TRIM14: variants seen among roughly 807,000 people sequenced by gnomAD.
TRIM14 encodes the protein tripartite motif-containing protein 14.
A neutral mutation model predicts 44.5 loss-of-function variants in TRIM14; 28 were observed. The observed-to-expected ratio is 0.63, with a 90% CI of 0.47 to 0.86. TRIM14 has a LOEUF of 0.86. Among genes scored for constraint, TRIM14 ranks in the 40% least tolerant of loss-of-function variants. The probability of loss-of-function intolerance (pLI) is 0.00; values close to 1 mark genes in which losing one functional copy is unlikely to be tolerated. For missense variants in TRIM14, 607 were observed against 611.1 expected, an observed-to-expected ratio of 0.99 and a Z score of 0.07; for synonymous variants, 299 against 269.2, an observed-to-expected ratio of 1.11 and a Z score of -1.08.
chr9:98,067,981 C>T (rs1829199214), downstream of TRIM14, among the ~76,000 whole-genome samples: 1 of 152,234 alleles, frequency 6.6e-6, no homozygotes, highest in African/African-American at 2.4e-5. Flanking sequence ...CTTGGCCTCC[C>T]AAAGTGCTGG....
chr9:98,078,033 C>A (rs1829668406), intron 6 of TRIM14: 2 of 1,054,770 alleles, frequency 1.9e-6, no homozygotes, highest in South Asian at 1.8e-5. Flanking sequence ...GGGCAGGAAC[C>A]CAACAAGCTC....
intron 6 of TRIM14, among the ~76,000 whole-genome samples, chr9:98,079,216 C>CT (rs1298007691): frequency 6.6e-6 from 1 of 152,196 alleles, no homozygotes; most frequent in African/African-American, 2.4e-5. Context: ...CCCCCTAGGC[C>CT]TTTGTCTCTT....
the TRIM14 span, among the ~76,000 whole-genome samples, chr9:98,048,428 ATCT>A: frequency 1.3e-5 from 2 of 152,162 alleles, no homozygotes; most frequent in African/African-American, 2.4e-5. Flanking sequence ...CAGCTACTGG[ATCT>A]TCTTCCATCT....
At chr9:98,099,500 G>A (rs1826311547) in intron 3 of TRIM14, among the ~76,000 whole-genome samples, 1 of 151,240 alleles carries the variant, frequency 6.6e-6, no homozygotes, top group Non-Finnish European at 1.5e-5. Flanking sequence ...GGGCCAGGCA[G>A]GGTCCCTTGT....
the TRIM14 span, among the ~76,000 whole-genome samples, chr9:98,038,990 C>T: frequency 6.6e-6 from 1 of 151,628 alleles, no homozygotes; most frequent in Non-Finnish European, 1.5e-5. Flanking sequence ...GCAGAGGTTG[C>T]AGTGAGCCGA....
the TRIM14 span, among the ~76,000 whole-genome samples, chr9:98,036,140 TGAGCAGA>T: frequency 6.6e-6 from 1 of 150,592 alleles, no homozygotes; most frequent in Non-Finnish European, 1.5e-5. Flanking sequence ...GAGGTTGCAG[TGAGCAGA>T]GATCGTGCCA....
downstream of TRIM14, chr9:98,083,216 G>A (rs1829968436): frequency 1.5e-6 from 1 of 684,800 alleles, no homozygotes; most frequent in Non-Finnish European, 2.4e-6. Context: ...CCCTGTGTCA[G>A]CCCACTGGAG....
chr9:98,053,445 C>T, the TRIM14 span, among the ~76,000 whole-genome samples: 1 of 152,192 alleles, frequency 6.6e-6, no homozygotes, highest in African/African-American at 2.4e-5. Flanking sequence ...GCCTGCTGAA[C>T]TGGCTTTGGA....
the TRIM14 span, among the ~76,000 whole-genome samples, chr9:98,057,491 G>A: frequency 6.6e-6 from 1 of 152,174 alleles, no homozygotes; most frequent in East Asian, 1.9e-4. Context: ...ACTACTAGCT[G>A]TGTGAACATG....
the TRIM14 span, among the ~76,000 whole-genome samples, chr9:98,053,787 G>A: frequency 9.6e-6 from 1 of 104,340 alleles, no homozygotes; most frequent in African/African-American, 3.5e-5. Flanking sequence ...TAGCTGTGGG[G>A]GCCAAGCCCA....
chr9:98,044,861 A>G, the TRIM14 span, among the ~76,000 whole-genome samples: 6 of 152,042 alleles, frequency 3.9e-5, no homozygotes, highest in East Asian at 1.2e-3. Context: ...ACCTATAATC[A>G]CAGCACTTTG....
chr9:98,117,847 T>C (rs1827110409), intron 1 of TRIM14, among the ~76,000 whole-genome samples: 1 of 152,166 alleles, frequency 6.6e-6, no homozygotes, highest in Non-Finnish European at 1.5e-5. Flanking sequence ...TGGGTGAGAC[T>C]CTTGAGCCAG....
chr9:98,092,506 A>T lies in TRIM14; in HGVS notation c.701-505T>A, dbSNP rs188801108. 1.4e-3 allele frequency: 587 copies of T among 429,386 alleles called. 1 individual carries two copies. The highest frequency in any genetic ancestry group is 1.9e-3 in the South Asian group (115 of 60,120). 26.6% of individuals were successfully genotyped at this position (429,386 alleles called of 1,614,324 possible). A position where few individuals can be genotyped will look rare whatever the true frequency, so the allele number is the denominator to read the frequency against. ...CGCAGCTCACTCAGCACCTCCGCAGAAGTGCCTTCCGCCCCCATCACTCCC... is the reference window on the plus strand; with the variant it reads ...CGCAGCTCACTCAGCACCTCCGCAGTAGTGCCTTCCGCCCCCATCACTCCC... On this transcript the variant is annotated intron_variant, in intron 4 of 5. Transcript: ENST00000341469.
the TRIM14 span, among the ~76,000 whole-genome samples, chr9:98,059,120 T>C: frequency 6.6e-6 from 1 of 151,454 alleles, no homozygotes; most frequent in Non-Finnish European, 1.5e-5. Flanking sequence ...GCCTCCTGGG[T>C]TCACACCGTT....
downstream of TRIM14, chr9:98,082,939 T>C (rs982673491): frequency 6.2e-7 from 1 of 1,614,222 alleles, no homozygotes. Context: ...GCCCAAAGGC[T>C]ATCCTCCTGA....
the TRIM14 span, chr9:98,056,774 A>G: frequency 4.4e-6 from 7 of 1,605,032 alleles, no homozygotes; most frequent in South Asian, 2.2e-5. Flanking sequence ...CCGGACCCAG[A>G]CTGGTAGTGA....
At chr9:98,083,166 C>CGAGA, downstream of TRIM14, 10 of 952,596 alleles carry the variant, frequency 1.0e-5, no homozygotes, top group South Asian at 4.8e-5. Context: ...TGTCATCCAC[C>CGAGA]TCCACCTGCT....
At chr9:98,040,582 T>C in the TRIM14 span, among the ~76,000 whole-genome samples, 1 of 151,848 alleles carries the variant, frequency 6.6e-6, no homozygotes, top group Admixed American at 6.6e-5. Context: ...CCCAGATCCC[T>C]CTCCACTCAA....
intron 3 of TRIM14, among the ~76,000 whole-genome samples, chr9:98,098,195 T>C (rs1184988984): frequency 6.6e-6 from 1 of 152,208 alleles, no homozygotes; most frequent in Non-Finnish European, 1.5e-5. Context: ...TAAGGCAAGA[T>C]TTTTCTTTAT....
Sources: allele counts gnomAD v4.1 joint callset (sites outside exome capture counted in the v4.1 genomes callset), GRCh38; gene constraint gnomAD v4.1.1; transcripts MANE v1.5; gene names NCBI Gene and HGNC (gene_info 2026-07-23, HGNC 2026-07-21).